C12orf56: variants seen among roughly 807,000 people sequenced by gnomAD.
C12orf56 encodes the protein uncharacterized protein C12orf56.
C12orf56 carries 71 observed loss-of-function variants against 69.9 expected under a neutral mutation model. That is an observed-to-expected ratio of 1.02 (90% CI 0.84 to 1.24). C12orf56 has a LOEUF of 1.24. C12orf56 is among the 50% of genes most tolerant of loss of function. The pLI is 0.00. For synonymous variants in C12orf56, 276 were observed against 274.1 expected, an observed-to-expected ratio of 1.01 and a Z score of -0.07; for missense variants, 732 against 738.5, an observed-to-expected ratio of 0.99 and a Z score of 0.10.
chr12:64,281,227 C>T (rs760045927), intron 8 of C12orf56, among the ~76,000 whole-genome samples: 10 of 151,966 alleles, frequency 6.6e-5, no homozygotes, highest in Non-Finnish European at 1.0e-4. Context: ...CAGCCAAGAT[C>T]GCACCATTGC....
intron 2 of C12orf56, chr12:64,338,871 G>A (rs1051866257): frequency 1.2e-5 from 8 of 675,788 alleles, no homozygotes; most frequent in Admixed American, 4.7e-5. Context: ...ATGGGCAGAG[G>A]AAACCCCTGT....
intron 6 of C12orf56, among the ~76,000 whole-genome samples, chr12:64,293,888 C>CA (rs1352644041): frequency 1.3e-5 from 2 of 152,148 alleles, no homozygotes; most frequent in Non-Finnish European, 2.9e-5. Flanking sequence ...CCAAAGGGCA[C>CA]AAGGTGACAT....
intron 1 of C12orf56, among the ~76,000 whole-genome samples, chr12:64,360,506 GTAGATAGATGA>G (rs758172761): frequency 6.0e-4 from 92 of 152,224 alleles, no homozygotes; most frequent in Middle Eastern, 3.4e-3. Flanking sequence ...AGGTAGGTAG[GTAGATAGATGA>G]TAGATAGATG....
chr12:64,343,462 T>C (rs1279086547), intron 2 of C12orf56, among the ~76,000 whole-genome samples: 2 of 152,222 alleles, frequency 1.3e-5, no homozygotes, highest in Admixed American at 1.3e-4. Flanking sequence ...GGTATATTGC[T>C]GGCCTAGCTA....
intron 3 of C12orf56, among the ~76,000 whole-genome samples, chr12:64,320,020 C>T (rs975687590): frequency 7.2e-5 from 11 of 152,364 alleles, no homozygotes; most frequent in African/African-American, 2.2e-4. Flanking sequence ...CCTCCGGATC[C>T]GGCAGGGTGT....
chr12:64,270,390 G>C (rs1396900231), intron 12 of C12orf56, 146 bp downstream of exon 12: 14 of 726,724 alleles, frequency 1.9e-5, no homozygotes, highest in Non-Finnish European at 2.7e-5. Context: ...GACAGAGCAA[G>C]ACTCCATCTC....
At chr12:64,281,200 G>A (rs965430714) in intron 8 of C12orf56, among the ~76,000 whole-genome samples, 2 of 152,008 alleles carry the variant, frequency 1.3e-5, no homozygotes, top group African/African-American at 4.8e-5. Flanking sequence ...TTGAACCCAG[G>A]GGGCGGAGAT....
At chr12:64,340,358 A>C (rs750608674) in intron 2 of C12orf56, among the ~76,000 whole-genome samples, 3 of 152,164 alleles carry the variant, frequency 2.0e-5, no homozygotes, top group Non-Finnish European at 4.4e-5. Flanking sequence ...ACCCAGGATC[A>C]ATACTTTCTA....
chr12:64,373,485 TAATGGAAGTGCAC>T (rs1022448525), intron 1 of C12orf56, among the ~76,000 whole-genome samples: 1 of 152,144 alleles, frequency 6.6e-6, no homozygotes, highest in African/African-American at 2.4e-5. Context: ...GATATCCATG[TAATGGAAGTGCAC>T]AATGTAGAGA....
Position 64,390,587 on chromosome 12 carries a change from G to A in C12orf56, c.-22C>T, listed in dbSNP as rs143693286. 7.0e-3 allele frequency: 10,734 copies of A among 1,531,012 alleles called. 58 individuals carry two copies. The highest frequency in any genetic ancestry group is 8.1e-3 in the Non-Finnish European group (9,271 of 1,146,510). 94.8% of individuals were successfully genotyped at this position (1,531,012 alleles called of 1,614,324 possible). A position where few individuals can be genotyped will look rare whatever the true frequency, so the allele number is the denominator to read the frequency against. ...CCATGCCCGGCGCCCGCAGCGTGGC[G>A]GAGTGCTGGGACTCGAGGCCCTCAG... On this transcript the variant is annotated 5_prime_UTR_variant, in exon 1 of 13. Coordinates refer to ENST00000543942, the MANE Select transcript of C12orf56 (RefSeq NM_001170633.2).
At chr12:64,297,816 T>C (rs2038386637) in intron 6 of C12orf56, among the ~76,000 whole-genome samples, 1 of 152,216 alleles carries the variant, frequency 6.6e-6, no homozygotes, top group South Asian at 2.1e-4. Flanking sequence ...TCCAAGTCTT[T>C]GCTATTGTGA....
chr12:64,346,945 T>A (rs1480164194), intron 2 of C12orf56, among the ~76,000 whole-genome samples: 5 of 151,384 alleles, frequency 3.3e-5, no homozygotes, highest in African/African-American at 1.2e-4. Flanking sequence ...CCTATATCTA[T>A]ATATATATCT....
chr12:64,303,228 C>G (rs1188170795), intron 6 of C12orf56, among the ~76,000 whole-genome samples: 1 of 151,512 alleles, frequency 6.6e-6, no homozygotes. Flanking sequence ...GAGCTGAGAT[C>G]GTGCCATTGC....
chr12:64,272,222 C>T lies in C12orf56; in HGVS notation c.1585-1508G>A, dbSNP rs570335488. Among the ~76,000 whole-genome samples the T allele has an allele frequency of 1.1e-4, 17 of 152,046 alleles. No individual in the cohort carries two copies. In the South Asian group the frequency reaches 1.9e-3, roughly 17 times the overall value. Reference sequence around the variant, plus strand: ...AAAAATTTTTTAAAATAAATAAATGCGGCCAGGCACGGTGGCTCACAGCTG... The same window carrying T: ...AAAAATTTTTTAAAATAAATAAATGTGGCCAGGCACGGTGGCTCACAGCTG... On this transcript the variant is annotated intron_variant, in intron 11 of 12. Coordinates refer to ENST00000543942, the MANE Select transcript of C12orf56 (RefSeq NM_001170633.2).
Position 64,390,692 on chromosome 12 carries a change from G to A in C12orf56, c.-127C>T. On this transcript the variant is annotated 5_prime_UTR_variant, in exon 1 of 13. Coordinates refer to ENST00000543942, the MANE Select transcript of C12orf56 (RefSeq NM_001170633.2). ...ACGCGTCGCCTCCTCTCCAGGCGCG[G>A]GGACCCGGGCCGCAACTGCAGGAAT... 7.6e-7 allele frequency: 1 copy of A among 1,316,550 alleles called. No individual in the cohort carries two copies. The highest frequency in any genetic ancestry group is 1.6e-5 in the African/African-American group (1 of 63,900). 81.6% of individuals were successfully genotyped at this position (1,316,550 alleles called of 1,614,324 possible). A position where few individuals can be genotyped will look rare whatever the true frequency, so the allele number is the denominator to read the frequency against.
At chr12:64,370,280 G>T (rs997351374) in intron 1 of C12orf56, among the ~76,000 whole-genome samples, 4 of 151,692 alleles carry the variant, frequency 2.6e-5, no homozygotes, top group African/African-American at 9.7e-5. Flanking sequence ...AGGAGGCGGA[G>T]GTTGCAATGA....
intron 6 of C12orf56, among the ~76,000 whole-genome samples, chr12:64,298,863 G>T (rs1271015536): frequency 1.3e-5 from 2 of 152,158 alleles, no homozygotes; most frequent in Admixed American, 6.6e-5. Context: ...TGGCTATGCG[G>T]GCTCTTTTTT....
chr12:64,356,170 C>CAAA (rs761289428), intron 1 of C12orf56, among the ~76,000 whole-genome samples: 499 of 48,278 alleles, frequency 0.01, 45 homozygotes, highest in Middle Eastern at 0.023. Context: ...GACTCCATCT[C>CAAA]AAAAAAAAAA....
chr12:64,358,476 A>ATCATCATCATCATC (rs1565773410), intron 1 of C12orf56, among the ~76,000 whole-genome samples: 3 of 21,132 alleles, frequency 1.4e-4, no homozygotes, highest in African/African-American at 2.4e-4. Context: ...TAATAATAAT[A>ATCATCATCATCATC]ATAATAATCA....
Sources: gnomAD v4.1 joint callset for allele counts (sites outside exome capture counted in the v4.1 genomes callset) on GRCh38, gnomAD v4.1.1 for gene constraint, MANE v1.5 for transcripts, NCBI Gene and HGNC (gene_info 2026-07-23, HGNC 2026-07-21) for gene names.